Variants in RABGAP1L observed in about 807,000 individuals in gnomAD.
RABGAP1L encodes rab GTPase-activating protein 1-like.
RABGAP1L carries 63 observed loss-of-function variants against 137.7 expected under a neutral mutation model. The observed-to-expected ratio is 0.46, with a 90% CI of 0.37 to 0.56. The LOEUF (loss-of-function observed/expected upper bound fraction) is 0.56, where lower values mean the gene tolerates loss of function less well. Among genes scored for constraint, RABGAP1L ranks in the 20% least tolerant of loss-of-function variants. The probability of loss-of-function intolerance (pLI) is 0.00; values close to 1 mark genes in which losing one functional copy is unlikely to be tolerated. For synonymous variants in RABGAP1L, 431 were observed against 433.7 expected, an observed-to-expected ratio of 0.99 and a Z score of 0.08; for missense variants, 1,095 against 1,244.0, an observed-to-expected ratio of 0.88 and a Z score of 1.80.
intron 13 of RABGAP1L, among the ~76,000 whole-genome samples, chr1:174,421,965 C>T (rs986976401): frequency 4.6e-5 from 7 of 152,138 alleles, no homozygotes; most frequent in Admixed American, 1.3e-4. Flanking sequence ...GACAGGGTTT[C>T]GCTATATTGG....
chr1:174,889,012 C>A (rs1364361545), intron 19 of RABGAP1L, among the ~76,000 whole-genome samples: 3 of 152,074 alleles, frequency 2.0e-5, no homozygotes, highest in African/African-American at 7.2e-5. Flanking sequence ...TATCCTTAGA[C>A]CCATATACTA....
intron 1 of RABGAP1L, among the ~76,000 whole-genome samples, chr1:174,216,314 A>C (rs918219099): frequency 3.3e-5 from 5 of 152,178 alleles, no homozygotes; most frequent in African/African-American, 1.2e-4. Flanking sequence ...ATTGCTTCTA[A>C]CACAAAGGAT....
chr1:174,659,767 TAAA>T (rs1037784654), intron 14 of RABGAP1L, among the ~76,000 whole-genome samples: 1 of 152,236 alleles, frequency 6.6e-6, no homozygotes, highest in African/African-American at 2.4e-5. Context: ...ACAGCCTATG[TAAA>T]ACAGAATGTT....
At chr1:174,947,875 G>A (rs1667128173) in intron 19 of RABGAP1L, among the ~76,000 whole-genome samples, 1 of 152,044 alleles carries the variant, frequency 6.6e-6, no homozygotes, top group Non-Finnish European at 1.5e-5. Flanking sequence ...GAAATATTTT[G>A]GGACACTAAA....
At chr1:174,620,019 A>G (rs950174163) in intron 13 of RABGAP1L, among the ~76,000 whole-genome samples, 18 of 152,190 alleles carry the variant, frequency 1.2e-4, no homozygotes, top group Non-Finnish European at 2.5e-4. Context: ...CTTTACACCA[A>G]CAAAGATCAA....
chr1:174,165,396 C>T (rs1488774604), intron 1 of RABGAP1L, among the ~76,000 whole-genome samples: 12 of 152,160 alleles, frequency 7.9e-5, no homozygotes, highest in African/African-American at 2.7e-4. Context: ...GTGATCCATC[C>T]GCCTCAGCCT....
chr1:174,395,237 C>T (rs1388887863), intron 13 of RABGAP1L, among the ~76,000 whole-genome samples: 2 of 152,004 alleles, frequency 1.3e-5, no homozygotes, highest in Admixed American at 6.6e-5. Context: ...GGCTCACACT[C>T]GTATATTAAC....
At chr1:174,525,518 A>G (rs1663799353) in intron 13 of RABGAP1L, among the ~76,000 whole-genome samples, 1 of 152,134 alleles carries the variant, frequency 6.6e-6, no homozygotes, top group South Asian at 2.1e-4. Context: ...GAATCTGCTT[A>G]TCAACTCTAA....
intron 13 of RABGAP1L, among the ~76,000 whole-genome samples, chr1:174,628,352 G>A (rs1242310906): frequency 6.6e-6 from 1 of 152,202 alleles, no homozygotes; most frequent in South Asian, 2.1e-4. Flanking sequence ...TAGGTATACA[G>A]ATACAGAAGG....
intron 13 of RABGAP1L, among the ~76,000 whole-genome samples, chr1:174,510,263 C>G (rs1662208295): frequency 6.6e-6 from 1 of 152,128 alleles, no homozygotes; most frequent in South Asian, 2.1e-4. Flanking sequence ...ATCCATATGT[C>G]TTTTCATAAT....
At chr1:174,517,217 A>G (rs1275883973) in intron 13 of RABGAP1L, among the ~76,000 whole-genome samples, 2 of 152,148 alleles carry the variant, frequency 1.3e-5, no homozygotes, top group Non-Finnish European at 2.9e-5. Context: ...TATGTTATTA[A>G]AAGTGTTTTT....
chr1:174,885,441 T>G (rs565458153), intron 19 of RABGAP1L, among the ~76,000 whole-genome samples: 11 of 152,286 alleles, frequency 7.2e-5, no homozygotes, highest in Admixed American at 7.2e-4. Flanking sequence ...CACTGCTGCC[T>G]CAACCTCCTA....
At chr1:174,478,370 A>C (rs1355784832) in intron 13 of RABGAP1L, among the ~76,000 whole-genome samples, 2 of 151,956 alleles carry the variant, frequency 1.3e-5, no homozygotes, top group Non-Finnish European at 2.9e-5. Context: ...TCCTGGGCTC[A>C]AGCAATCTTC....
chr1:174,693,285 A>C (rs538365450), intron 15 of RABGAP1L, among the ~76,000 whole-genome samples: 4 of 152,352 alleles, frequency 2.6e-5, no homozygotes, highest in Admixed American at 2.6e-4. Flanking sequence ...TGGTCATATC[A>C]GTGCTGTGCT....
At chr1:174,702,302 T>G in intron 17 of RABGAP1L, 46 bp downstream of exon 17, 1 of 1,496,764 alleles carries the variant, frequency 6.7e-7, no homozygotes, top group African/African-American at 1.4e-5. Context: ...GAAAGTAGTT[T>G]CTACTAAAAA....
chr1:174,688,638 C>CAA (rs1434920973), intron 15 of RABGAP1L, among the ~76,000 whole-genome samples: 1 of 151,940 alleles, frequency 6.6e-6, no homozygotes, highest in Non-Finnish European at 1.5e-5. Context: ...TTATAACAGT[C>CAA]AAAACACTGA....
At chr1:174,393,036 A>G (rs1486679281) in intron 12 of RABGAP1L, among the ~76,000 whole-genome samples, 3 of 152,208 alleles carry the variant, frequency 2.0e-5, no homozygotes, top group Non-Finnish European at 4.4e-5. Flanking sequence ...GAGATATGCA[A>G]TTCAGTTTCT....
intron 1 of RABGAP1L, among the ~76,000 whole-genome samples, chr1:174,184,389 A>T (rs1183644985): frequency 1.3e-5 from 2 of 152,294 alleles, no homozygotes; most frequent in East Asian, 3.9e-4. Flanking sequence ...ATACGTTTTC[A>T]ACTCATTTGG....
intron 13 of RABGAP1L, among the ~76,000 whole-genome samples, chr1:174,563,421 G>T (rs528553698): frequency 9.5e-4 from 145 of 152,238 alleles, no homozygotes; most frequent in African/African-American, 3.3e-3. Context: ...GACTGCTTTG[G>T]TTCAAATCCT....
Sources: allele counts gnomAD v4.1 joint callset (sites outside exome capture counted in the v4.1 genomes callset), GRCh38; gene constraint gnomAD v4.1.1; transcripts MANE v1.5; gene names NCBI Gene and HGNC (gene_info 2026-07-23, HGNC 2026-07-21).